Variants in TMEM196 observed in about 807,000 individuals in gnomAD.
TMEM196 encodes transmembrane protein 196.
In TMEM196, 17 loss-of-function variants were observed where a neutral mutation model predicts 20.0. The observed-to-expected ratio is 0.85, with a 90% CI of 0.58 to 1.27. The LOEUF (loss-of-function observed/expected upper bound fraction) is 1.27, where lower values mean the gene tolerates loss of function less well. TMEM196 is among the 50% of genes most tolerant of loss of function. The probability of loss-of-function intolerance (pLI) is 0.00; values close to 1 mark genes in which losing one functional copy is unlikely to be tolerated. For missense variants in TMEM196, 267 were observed against 223.0 expected (o/e 1.20, Z -1.26); for synonymous variants, 113 against 88.9 (o/e 1.27, Z -1.52).
Position 19,735,470 on chromosome 7 carries a change from C to T in TMEM196, c.148-6032G>A, listed in dbSNP as rs144635206. On this transcript the variant is annotated intron_variant, in intron 1 of 4. Transcript: ENST00000405844. Reference sequence around the variant, plus strand: ...TCTCTGTCTCCCGCTCTTTCTTTTTCTCTCTCTCTTTCTCTTGCACTGGCC... The same window carrying T: ...TCTCTGTCTCCCGCTCTTTCTTTTTTTCTCTCTCTTTCTCTTGCACTGGCC... 1.4e-3 allele frequency among the ~76,000 whole-genome samples: 209 copies of T among 152,184 alleles called. 2 individuals carry two copies. The highest frequency in any genetic ancestry group is 4.9e-3 in the African/African-American group (205 of 41,482).
intron 1 of TMEM196, among the ~76,000 whole-genome samples, chr7:19,740,973 A>G (rs1216851986): frequency 6.6e-6 from 1 of 152,164 alleles, no homozygotes; most frequent in Non-Finnish European, 1.5e-5. Context: ...CACCTTCAAT[A>G]ACTAACATAT....
intron 1 of TMEM196, 145 bp from the exon 2 acceptor site, chr7:19,729,583 A>C: frequency 8.5e-6 from 6 of 703,586 alleles, no homozygotes; most frequent in South Asian, 2.1e-5. Flanking sequence ...ATAAGATCTC[A>C]TTCTAGAATA....
chr7:19,758,638 CT>C (rs1452843086), intron 1 of TMEM196, among the ~76,000 whole-genome samples: 1 of 152,214 alleles, frequency 6.6e-6, no homozygotes, highest in Non-Finnish European at 1.5e-5. Flanking sequence ...TTCTAAATCT[CT>C]GGTTCATTGC....
intron 1 of TMEM196, among the ~76,000 whole-genome samples, chr7:19,764,028 CA>C (rs895149653): frequency 6.6e-6 from 1 of 152,170 alleles, no homozygotes; most frequent in African/African-American, 2.4e-5. Context: ...ATTAAATGCA[CA>C]AATTTCTATT....
Position 19,737,126 on chromosome 7 carries a change from C to T in TMEM196, c.148-7688G>A, listed in dbSNP as rs1260468999. Among the ~76,000 whole-genome samples, 4 of 151,716 alleles carry T rather than the reference C, an allele frequency of 2.6e-5. No individual in the cohort carries two copies. The East Asian group carries it at 7.7e-4, about 29-fold the overall frequency. ...TTAAACAAGATCAAGAATAAGAAAA[C>T]AAACAACTGAATTAAAATATGGGTG... On this transcript the variant is annotated intron_variant, in intron 1 of 4. Coordinates refer to ENST00000405844, the MANE Select transcript of TMEM196 (RefSeq NM_001363562.2).
intron 1 of TMEM196, among the ~76,000 whole-genome samples, chr7:19,768,113 T>A (rs570478816): frequency 1.2e-3 from 179 of 152,104 alleles, no homozygotes; most frequent in African/African-American, 4.1e-3. Flanking sequence ...ATTAAGCAGA[T>A]AAAGATATAA....
At chr7:19,744,508 A>T (rs1196680887) in intron 1 of TMEM196, among the ~76,000 whole-genome samples, 2 of 152,194 alleles carry the variant, frequency 1.3e-5, no homozygotes, top group Non-Finnish European at 2.9e-5. Context: ...AAGAAATAAT[A>T]GTGTAGCAAA....
At chr7:19,725,911 GA>G (rs1305637172) in intron 2 of TMEM196, 143 bp from the exon 3 acceptor site, 1 of 982,414 alleles carries the variant, frequency 1.0e-6, no homozygotes, top group East Asian at 2.8e-5. Flanking sequence ...GAGGACAGGA[GA>G]TTTTTTTTTT....
intron 1 of TMEM196, among the ~76,000 whole-genome samples, chr7:19,740,286 G>C (rs1267668041): frequency 6.6e-6 from 1 of 152,064 alleles, no homozygotes; most frequent in African/African-American, 2.4e-5. Flanking sequence ...GTGTAGAAAG[G>C]CAAGAAATAT....
chr7:19,723,723 C>T (rs563293106), intron 4 of TMEM196, among the ~76,000 whole-genome samples: 1 of 152,176 alleles, frequency 6.6e-6, no homozygotes, highest in East Asian at 1.9e-4. Context: ...TTCTGTCTGT[C>T]CAATTACTTT....
intron 1 of TMEM196, among the ~76,000 whole-genome samples, chr7:19,740,217 A>G (rs1031468324): frequency 3.9e-5 from 6 of 152,210 alleles, no homozygotes; most frequent in African/African-American, 1.4e-4. Flanking sequence ...GTTCTCCAAC[A>G]CATATAGTTA....
intron 1 of TMEM196, among the ~76,000 whole-genome samples, chr7:19,729,939 G>A (rs1784135431): frequency 1.3e-5 from 2 of 152,100 alleles, no homozygotes. Flanking sequence ...ACAAGAAACT[G>A]GCCTTATGGA....
intron 1 of TMEM196, among the ~76,000 whole-genome samples, chr7:19,758,675 A>G (rs1376177569): frequency 6.6e-6 from 1 of 152,248 alleles, no homozygotes; most frequent in African/African-American, 2.4e-5. Context: ...TTCTCAACCA[A>G]TAGGAAGAGA....
At position 19,719,836 on chromosome 7, in the gene TMEM196, A is replaced by G. The variant is rs1331172749; in HGVS notation, c.*2292T>C. On this transcript the variant is annotated 3_prime_UTR_variant, in exon 5 of 5. Coordinates refer to ENST00000405844, the MANE Select transcript of TMEM196 (RefSeq NM_001363562.2). ...TAAACATACACTGTAAACTATTTGA[A>G]TAATTGTGATGATGGCATCTCTTTT... is the stretch of plus-strand genomic sequence containing the variant. The G allele has an allele frequency of 6.6e-6, 1 of 152,108 alleles. No homozygotes were observed. The highest frequency in any genetic ancestry group is 1.9e-4 in the East Asian group (1 of 5,202). The allele number at this position is 152,108 out of a possible 1,614,324, so 9.4% of individuals were successfully genotyped here.
chr7:19,750,327 T>C (rs995840919), intron 1 of TMEM196, among the ~76,000 whole-genome samples: 3 of 152,208 alleles, frequency 2.0e-5, no homozygotes, highest in African/African-American at 7.2e-5. Flanking sequence ...AAACATCACA[T>C]TGTAGCCATA....
In TMEM196 at chr7:19,757,349, T is replaced by TG. The variant is rs1785260952; in HGVS notation, c.147+15200_147+15201insC. 2.1e-5 allele frequency among the ~76,000 whole-genome samples: 3 copies of TG among 144,494 alleles called. No homozygotes were observed. The South Asian group carries it at 6.6e-4, about 32-fold the overall frequency. 94.8% of individuals were successfully genotyped at this position (144,494 alleles called of 152,430 possible). On this transcript the variant is annotated intron_variant, in intron 1 of 4. Transcript: ENST00000405844. ...TCACCACACCCAGCTTTTTTTTTTT[T>TG]TTTTTTTTTTTTGTATTTTTAGTTG...
intron 2 of TMEM196, among the ~76,000 whole-genome samples, chr7:19,728,498 T>C (rs879367458): frequency 3.3e-5 from 5 of 152,164 alleles, no homozygotes; most frequent in Non-Finnish European, 7.4e-5. Flanking sequence ...ATAGATGTTC[T>C]CACGAAGAAA....
chr7:19,770,956 GC>G (rs372783722), intron 1 of TMEM196, among the ~76,000 whole-genome samples: 167 of 151,624 alleles, frequency 1.1e-3, no homozygotes, highest in African/African-American at 3.5e-3. Context: ...TTCGTTGGGG[GC>G]GGGGATTGAG....
intron 1 of TMEM196, among the ~76,000 whole-genome samples, chr7:19,765,474 G>A (rs1429443204): frequency 2.0e-5 from 3 of 152,058 alleles, no homozygotes; most frequent in Non-Finnish European, 4.4e-5. Context: ...TACTATTCAG[G>A]CAGTTCAAGT....
Sources: allele counts gnomAD v4.1 joint callset (sites outside exome capture counted in the v4.1 genomes callset), GRCh38; gene constraint gnomAD v4.1.1; transcripts MANE v1.5; gene names NCBI Gene and HGNC (gene_info 2026-07-23, HGNC 2026-07-21).